PDE7A: variants seen among roughly 807,000 people sequenced by gnomAD.
PDE7A encodes high affinity 3',5'-cyclic-AMP phosphodiesterase 7A.
A neutral mutation model predicts 64.3 loss-of-function variants in PDE7A; 39 were observed. That is an observed-to-expected ratio of 0.61 (90% CI 0.47 to 0.79). PDE7A has a LOEUF of 0.79. PDE7A is among the 30% of genes least tolerant of loss of function. The probability of loss-of-function intolerance (pLI) is 0.00; values close to 1 mark genes in which losing one functional copy is unlikely to be tolerated. For synonymous variants in PDE7A, 203 were observed against 206.8 expected, an observed-to-expected ratio of 0.98 and a Z score of 0.16; for missense variants, 470 against 582.8, an observed-to-expected ratio of 0.81 and a Z score of 1.99.
intron 1 of PDE7A, among the ~76,000 whole-genome samples, chr8:65,813,928 A>C (rs951892495): frequency 1.3e-5 from 2 of 152,224 alleles, no homozygotes; most frequent in Non-Finnish European, 2.9e-5. Flanking sequence ...GAACTTCATA[A>C]ACACCTGCAT....
At chr8:65,732,633 C>G (rs1165265100) in intron 7 of PDE7A, among the ~76,000 whole-genome samples, 1 of 152,138 alleles carries the variant, frequency 6.6e-6, no homozygotes, top group African/African-American at 2.4e-5. Flanking sequence ...TTTGAGTCAG[C>G]CTCCTAAGTA....
intron 1 of PDE7A, among the ~76,000 whole-genome samples, chr8:65,803,674 G>A (rs1221276894): frequency 1.3e-5 from 2 of 152,086 alleles, no homozygotes; most frequent in African/African-American, 4.8e-5. Context: ...ACTGAGAAAA[G>A]TACAAAATAG....
At chr8:65,755,486 C>T (rs778731778) in intron 3 of PDE7A, among the ~76,000 whole-genome samples, 2 of 152,018 alleles carry the variant, frequency 1.3e-5, no homozygotes, top group Non-Finnish European at 2.9e-5. Context: ...TGAATAATAC[C>T]AATTTAATTT....
At chr8:65,806,366 G>A (rs1463734682) in intron 1 of PDE7A, among the ~76,000 whole-genome samples, 1 of 152,156 alleles carries the variant, frequency 6.6e-6, no homozygotes, top group Non-Finnish European at 1.5e-5. Flanking sequence ...GAGGGAGGAG[G>A]GAGTGGGGAG....
At chr8:65,740,067 G>A (rs991498988) in intron 5 of PDE7A, among the ~76,000 whole-genome samples, 1 of 149,220 alleles carries the variant, frequency 6.7e-6, no homozygotes, top group African/African-American at 2.5e-5. Context: ...TCCATACAGG[G>A]TTAGGAGGAG....
intron 12 of PDE7A, among the ~76,000 whole-genome samples, chr8:65,720,097 G>A (rs970996311): frequency 1.3e-5 from 2 of 152,194 alleles, no homozygotes; most frequent in Non-Finnish European, 2.9e-5. Context: ...AACAACAAAT[G>A]TGTACCAGAG....
At chr8:65,731,109 T>C (rs778854983) in intron 7 of PDE7A, among the ~76,000 whole-genome samples, 1 of 152,234 alleles carries the variant, frequency 6.6e-6, no homozygotes, top group Non-Finnish European at 1.5e-5. Flanking sequence ...ATTCCTGCCC[T>C]GGAGGCCTGA....
Position 65,715,724 on chromosome 8 carries a change from G to A in PDE7A, c.*3566C>T, listed in dbSNP as rs1202295990. ...TAGCTGGCCGGGCACGGTGGCTCAC[G>A]CCTGTAATCCCAGCACTATGGGAGG... On this transcript the variant is annotated 3_prime_UTR_variant, in exon 13 of 13. Transcript: ENST00000401827. 3.4e-5 allele frequency among the ~76,000 whole-genome samples: 5 copies of A among 145,422 alleles called. No individual in the cohort carries two copies. The highest frequency in any genetic ancestry group is 6.1e-5 in the Non-Finnish European group (4 of 65,898).
intron 1 of PDE7A, among the ~76,000 whole-genome samples, chr8:65,822,393 G>T (rs1239568958): frequency 1.3e-5 from 2 of 152,188 alleles, no homozygotes; most frequent in African/African-American, 4.8e-5. Context: ...ATGGCATTGT[G>T]GGAAGGAGAA....
intron 3 of PDE7A, among the ~76,000 whole-genome samples, chr8:65,772,021 T>G (rs1809109964): frequency 1.3e-5 from 2 of 149,380 alleles, no homozygotes; most frequent in Admixed American, 6.7e-5. Context: ...GAATAAGAGA[T>G]AACGAGGCAG....
chr8:65,790,118 C>T (rs376649959), intron 1 of PDE7A, among the ~76,000 whole-genome samples: 2 of 152,072 alleles, frequency 1.3e-5, no homozygotes, highest in Admixed American at 6.5e-5. Context: ...GAAGAACAGG[C>T]GTGAGGGCCA....
At chr8:65,768,116 T>G (rs1808888342) in intron 3 of PDE7A, among the ~76,000 whole-genome samples, 1 of 152,214 alleles carries the variant, frequency 6.6e-6, no homozygotes, top group Non-Finnish European at 1.5e-5. Context: ...ACACATTTGG[T>G]CACAGAAGTC....
chr8:65,736,733 G>C (rs373125952), intron 6 of PDE7A, among the ~76,000 whole-genome samples: 11 of 150,358 alleles, frequency 7.3e-5, no homozygotes, highest in African/African-American at 2.4e-4. Context: ...CTAGGTGACA[G>C]AGCAAGACTC....
At chr8:65,731,247 C>T (rs1405912536) in intron 7 of PDE7A, among the ~76,000 whole-genome samples, 1 of 152,130 alleles carries the variant, frequency 6.6e-6, no homozygotes, top group Non-Finnish European at 1.5e-5. Flanking sequence ...AATAAGTGTA[C>T]ATCTGCAAGA....
intron 3 of PDE7A, among the ~76,000 whole-genome samples, chr8:65,759,936 T>A (rs1290553953): frequency 6.6e-6 from 1 of 152,180 alleles, no homozygotes; most frequent in African/African-American, 2.4e-5. Context: ...TTAATACTAT[T>A]TTTTTCACAT....
intron 1 of PDE7A, among the ~76,000 whole-genome samples, chr8:65,787,200 T>C (rs1809582276): frequency 6.6e-6 from 1 of 152,230 alleles, no homozygotes; most frequent in Non-Finnish European, 1.5e-5. Flanking sequence ...ATATATTAAC[T>C]AACACTTGCT....
intron 1 of PDE7A, among the ~76,000 whole-genome samples, chr8:65,837,773 T>A (rs1249360114): frequency 1.3e-5 from 2 of 152,162 alleles, no homozygotes; most frequent in African/African-American, 4.8e-5. Context: ...ATTAATACAG[T>A]GAGAAAATAA....
chr8:65,829,393 T>G (rs535341134), intron 1 of PDE7A, among the ~76,000 whole-genome samples: 5 of 152,138 alleles, frequency 3.3e-5, no homozygotes, highest in Non-Finnish European at 5.9e-5. Context: ...ACTCAGATAT[T>G]TTCAGAACTG....
chr8:65,778,452 T>C (rs933520105), intron 3 of PDE7A, among the ~76,000 whole-genome samples: 25 of 152,110 alleles, frequency 1.6e-4, no homozygotes, highest in Non-Finnish European at 3.2e-4. Flanking sequence ...AGTGTCACCA[T>C]CCCAGCCATT....
Sources: allele counts gnomAD v4.1 joint callset (sites outside exome capture counted in the v4.1 genomes callset), GRCh38; gene constraint gnomAD v4.1.1; transcripts MANE v1.5; gene names NCBI Gene and HGNC (gene_info 2026-07-23, HGNC 2026-07-21).